ALDH7A1: variants seen among roughly 807,000 people sequenced by gnomAD.
ALDH7A1 encodes the protein aldehyde dehydrogenase 7 family member A1.
ALDH7A1 carries 63 observed loss-of-function variants against 79.9 expected under a neutral mutation model. That is an observed-to-expected ratio of 0.79 (90% confidence interval 0.64 to 0.97). ALDH7A1 has a LOEUF of 0.97. Among genes scored for constraint, ALDH7A1 ranks in the 50% least tolerant of loss-of-function variants. The probability of loss-of-function intolerance (pLI) is 0.00; values close to 1 mark genes in which losing one functional copy is unlikely to be tolerated. For synonymous variants in ALDH7A1, 240 were observed against 231.2 expected, an observed-to-expected ratio of 1.04 and a Z score of -0.34; for missense variants, 627 against 665.2, an observed-to-expected ratio of 0.94 and a Z score of 0.63.
chr5:126,562,995 G>T (rs549973724), intron 9 of ALDH7A1, among the ~76,000 whole-genome samples: 65 of 152,316 alleles, frequency 4.3e-4, no homozygotes, highest in Middle Eastern at 6.8e-3. Context: ...GGGAAGGAGG[G>T]ATTAGTGTTT....
intron 16 of ALDH7A1, among the ~76,000 whole-genome samples, chr5:126,549,205 T>G (rs1749906116): frequency 6.6e-6 from 1 of 151,238 alleles, no homozygotes; most frequent in Non-Finnish European, 1.5e-5. Context: ...CACAGTGGAG[T>G]GCAGGGGCAA....
chr5:126,585,306 A>T (rs1440699447), intron 3 of ALDH7A1, among the ~76,000 whole-genome samples: 1 of 152,174 alleles, frequency 6.6e-6, no homozygotes, highest in Non-Finnish European at 1.5e-5. Flanking sequence ...CTCAAAAAAA[A>T]TAATAAAGTA....
In ALDH7A1 at chr5:126,592,620, C is replaced by T. The variant is rs769757615; in HGVS notation, c.312+44G>A. ...TATGTATCTCATTGGTTACAATAGG[C>T]AAAGTGATCTTTTCTGAATTCTAGA... On this transcript the variant is annotated intron_variant, in intron 3 of 17. Transcript: ENST00000409134. 11 of 1,588,366 alleles carry T rather than the reference C, an allele frequency of 6.9e-6. No individual in the cohort carries two copies. The East Asian group carries it at 2.5e-4, about 36-fold the overall frequency.
At chr5:126,564,682 C>T (rs958517372) in intron 9 of ALDH7A1, 1 of 576,452 alleles carries the variant, frequency 1.7e-6, no homozygotes, top group Admixed American at 4.4e-5. Flanking sequence ...ACTCTAGTCT[C>T]TGCTGCAATC....
At chr5:126,561,202 A>C in intron 9 of ALDH7A1, 78 bp from the exon 10 acceptor site, 1 of 1,122,978 alleles carries the variant, frequency 8.9e-7, no homozygotes, top group Non-Finnish European at 1.3e-6. Context: ...GCCTAATCCC[A>C]ATTATTAAAT....
At chr5:126,581,269 A>C (rs1751164496) in intron 5 of ALDH7A1, 2 of 152,156 alleles carry the variant, frequency 1.3e-5, no homozygotes, top group East Asian at 3.8e-4. Context: ...TGACTAAATA[A>C]ATTATAGTCT....
At chr5:126,580,439 A>T (rs960302824) in intron 5 of ALDH7A1, among the ~76,000 whole-genome samples, 4 of 152,142 alleles carry the variant, frequency 2.6e-5, no homozygotes, top group Non-Finnish European at 5.9e-5. Context: ...GAAAGTGTTC[A>T]ATGACATAAA....
At chr5:126,557,969 A>C (rs967353510) in intron 11 of ALDH7A1, among the ~76,000 whole-genome samples, 1 of 151,674 alleles carries the variant, frequency 6.6e-6, no homozygotes, top group Non-Finnish European at 1.5e-5. Flanking sequence ...GGAGTTCAAG[A>C]CCAGCCTGGC....
rs1030317723 is a variant in ALDH7A1, at chr5:126,550,253, T to C, written c.1358A>G (p.Gln453Arg). 2.5e-6 allele frequency: 4 copies of C among 1,613,672 alleles called. No individual in the cohort carries two copies. In the African/African-American group the frequency reaches 5.3e-5, roughly 22 times the overall value. ...EVFAWNNEVK[Q>R]GLSSSIFTKD... is the part of the protein sequence containing the mutation. ...GGTAAAGATGCTACTTGAAAGTCCC[T>C]GTTTTACTTCATTATTCCATGCAAA... is the stretch of plus-strand genomic sequence containing the variant. Residue 453 changes from glutamine (Q) to arginine (R), a missense_variant, in exon 15 of 18, where the codon CAG (glutamine) becomes CGG (arginine). Coordinates refer to ENST00000409134, the MANE Select transcript of ALDH7A1 (RefSeq NM_001182.5).
At chr5:126,585,103 G>C (rs574356719) in intron 3 of ALDH7A1, among the ~76,000 whole-genome samples, 3 of 152,202 alleles carry the variant, frequency 2.0e-5, no homozygotes, top group African/African-American at 7.2e-5. Context: ...TTCAAGACGA[G>C]CCTGGCCAAC....
intron 10 of ALDH7A1, 110 bp from the exon 11 acceptor site, chr5:126,559,444 T>C: frequency 2.4e-6 from 2 of 824,026 alleles, no homozygotes; most frequent in Non-Finnish European, 2.0e-6. Context: ...GTTTTTTTTT[T>C]TTTTTTTTGA....
intron 9 of ALDH7A1, chr5:126,564,265 C>G (rs779272023): frequency 4.6e-6 from 1 of 219,436 alleles, no homozygotes; most frequent in Non-Finnish European, 8.9e-6. Context: ...AAGCAATTCT[C>G]TTGCCTCAGC....
intron 3 of ALDH7A1, among the ~76,000 whole-genome samples, chr5:126,589,220 C>G (rs970012174): frequency 2.6e-5 from 4 of 152,088 alleles, no homozygotes; most frequent in African/African-American, 9.7e-5. Flanking sequence ...TGCAATGGCT[C>G]AATCTCCGCT....
intron 13 of ALDH7A1, 21 bp downstream of exon 13, chr5:126,554,266 T>G: frequency 1.2e-6 from 2 of 1,605,080 alleles, no homozygotes; most frequent in South Asian, 1.1e-5. Flanking sequence ...CTGTCACAAT[T>G]GATCTCAGAG....
chr5:126,574,329 G>A (rs1030339815), intron 7 of ALDH7A1, among the ~76,000 whole-genome samples: 10 of 151,960 alleles, frequency 6.6e-5, no homozygotes, highest in Admixed American at 6.6e-4. Context: ...GAACCAGGGA[G>A]TCGGAGGTTG....
At chr5:126,569,381 ATG>A (rs1169428440) in intron 8 of ALDH7A1, 2 of 152,204 alleles carry the variant, frequency 1.3e-5, no homozygotes, top group African/African-American at 4.8e-5. Flanking sequence ...TATAAAGGCT[ATG>A]CTAGGATTTC....
chr5:126,567,608 G>A (rs550212077), intron 9 of ALDH7A1, among the ~76,000 whole-genome samples: 4 of 151,020 alleles, frequency 2.6e-5, no homozygotes, highest in Admixed American at 2.6e-4. Context: ...CCAGTAGCTG[G>A]GATTACAGGC....
At chr5:126,568,539 A>G in intron 8 of ALDH7A1, 183 bp from the exon 9 acceptor site, 2 of 624,284 alleles carry the variant, frequency 3.2e-6, no homozygotes, top group Non-Finnish European at 5.8e-6. Context: ...AGGTAGAACC[A>G]TTAGGCAGAA....
intron 8 of ALDH7A1, 114 bp downstream of exon 8, chr5:126,570,668 A>G (rs903355114): frequency 1.2e-5 from 13 of 1,052,890 alleles, no homozygotes; most frequent in Non-Finnish European, 1.9e-5. Flanking sequence ...TAATGATTTC[A>G]AAAACCATTC....
Sources: allele counts gnomAD v4.1 joint callset (sites outside exome capture counted in the v4.1 genomes callset), GRCh38; gene constraint gnomAD v4.1.1; transcripts MANE v1.5; gene names NCBI Gene and HGNC (gene_info 2026-07-23, HGNC 2026-07-21).